The following CSMD2 variants were observed in gnomAD, a reference collection of about 807,000 sequenced individuals.
The protein encoded by CSMD2 is CUB and Sushi multiple domains 2, also known as CUB and sushi domain-containing protein 2.
A neutral mutation model predicts 398.5 loss-of-function variants in CSMD2; 130 were observed. That is an observed-to-expected ratio of 0.33 (90% CI 0.28 to 0.38). The LOEUF (loss-of-function observed/expected upper bound fraction) is 0.38, where lower values mean the gene tolerates loss of function less well. CSMD2 is among the 10% of genes least tolerant of loss of function. CSMD2 has a pLI of 1.00. For synonymous variants in CSMD2, 1,828 were observed against 1,908.5 expected, an observed-to-expected ratio of 0.96 and a Z score of 1.10; for missense variants, 3,829 against 4,764.9, an observed-to-expected ratio of 0.80 and a Z score of 5.78.
rs1641950444 is a variant in CSMD2 at position 33,624,229 on chromosome 1, C to T, written c.5625+290G>A. On this transcript the variant is annotated intron_variant, in intron 35 of 70. Transcript: ENST00000373381. The surrounding 1 kb of genome is among the most constrained non-coding windows in gnomAD (Gnocchi z 4.7). ...TCTTCTTTTAGCCTCCCCTCCTGGCCATGGCCAATCAATGCCCACCTCTCC... is the reference window on the plus strand; with the variant it reads ...TCTTCTTTTAGCCTCCCCTCCTGGCTATGGCCAATCAATGCCCACCTCTCC... Among the ~76,000 whole-genome samples, 1 of 152,180 alleles carries T rather than the reference C, an allele frequency of 6.6e-6. No homozygotes were observed. Among genetic ancestry groups the T allele is most frequent in the Non-Finnish European group, 1.5e-5 (1 of 68,026 alleles).
At chr1:33,724,459 G>T (rs1376192542) in intron 18 of CSMD2, 57 bp downstream of exon 18, 1 of 1,583,868 alleles carries the variant, frequency 6.3e-7, no homozygotes, top group East Asian at 2.2e-5. Flanking sequence ...GAGCACCTGT[G>T]TTTCTGTGGC....
chr1:33,762,447 C>T (rs564608214), intron 13 of CSMD2, among the ~76,000 whole-genome samples: 3 of 152,326 alleles, frequency 2.0e-5, no homozygotes, highest in African/African-American at 7.2e-5. Flanking sequence ...GAGGTCACAG[C>T]CCAGGATTAG....
intron 13 of CSMD2, 192 bp downstream of exon 13, chr1:33,772,377 T>C (rs1179386504): frequency 1.9e-5 from 11 of 568,344 alleles, no homozygotes; most frequent in Non-Finnish European, 3.5e-5. Flanking sequence ...TTGTTCTCAG[T>C]GCTACAGTCG....
chr1:33,914,218 C>A (rs1388975436), intron 5 of CSMD2, among the ~76,000 whole-genome samples: 1 of 152,118 alleles, frequency 6.6e-6, no homozygotes, highest in Non-Finnish European at 1.5e-5. Flanking sequence ...CACACTCCAG[C>A]AGGGTCAGTG....
At chr1:33,580,676 C>T in intron 48 of CSMD2, 77 bp downstream of exon 48, 1 of 1,530,174 alleles carries the variant, frequency 6.5e-7, no homozygotes, top group East Asian at 2.3e-5. Context: ...AGGGGAATGG[C>T]CGCCCGGTCT....
chr1:33,604,839 G>A (rs1007582181), intron 42 of CSMD2, among the ~76,000 whole-genome samples: 1 of 152,132 alleles, frequency 6.6e-6, no homozygotes, highest in Non-Finnish European at 1.5e-5. Context: ...GGAGCAGGGA[G>A]GGGGAAGATG....
chr1:33,782,409 C>T (rs934710509), intron 12 of CSMD2, among the ~76,000 whole-genome samples: 2 of 152,166 alleles, frequency 1.3e-5, no homozygotes, highest in Non-Finnish European at 2.9e-5. Flanking sequence ...CTTGACTATA[C>T]TGAGTCCTCA....
chr1:33,980,143 C>A (rs1646116570), intron 3 of CSMD2, among the ~76,000 whole-genome samples: 1 of 152,128 alleles, frequency 6.6e-6, no homozygotes, highest in Non-Finnish European at 1.5e-5. Context: ...ACTCTGGAAC[C>A]TGGCCAGTTA....
intron 3 of CSMD2, among the ~76,000 whole-genome samples, chr1:33,950,870 C>T (rs988847881): frequency 6.6e-6 from 1 of 152,224 alleles, no homozygotes; most frequent in Non-Finnish European, 1.5e-5. Context: ...GATTGGGATG[C>T]GTCTGTCTTC....
chr1:33,821,423 G>A lies in CSMD2; in HGVS notation c.1112-867C>T, dbSNP rs528295980. Among the ~76,000 whole-genome samples the A allele has an allele frequency of 4.6e-5, 7 of 152,270 alleles. 1 individual carries two copies. Among genetic ancestry groups the A allele is most frequent in the African/African-American group, 1.7e-4 (7 of 41,556 alleles). On this transcript the variant is annotated intron_variant, in intron 7 of 70. Coordinates refer to ENST00000373381, the MANE Select transcript of CSMD2 (RefSeq NM_001281956.2). ...GATTCCTGGCTTTGAGGATGACCAGGAGCTGGAGCCAGGCACACAGCCTGG... is the reference window on the plus strand; with the variant it reads ...GATTCCTGGCTTTGAGGATGACCAGAAGCTGGAGCCAGGCACACAGCCTGG...
chr1:33,717,556 A>C (rs1646214891), intron 19 of CSMD2, among the ~76,000 whole-genome samples: 1 of 151,924 alleles, frequency 6.6e-6, no homozygotes, highest in African/African-American at 2.4e-5. Flanking sequence ...TGGGTTGTAG[A>C]AGAGTAATGG....
intron 13 of CSMD2, among the ~76,000 whole-genome samples, chr1:33,747,719 A>C (rs1052593709): frequency 1.3e-4 from 20 of 152,222 alleles, no homozygotes; most frequent in Non-Finnish European, 2.5e-4. Flanking sequence ...GCTAAGACAA[A>C]GTGACTCTGA....
intron 3 of CSMD2, among the ~76,000 whole-genome samples, chr1:33,995,296 C>T (rs1402388606): frequency 1.3e-5 from 2 of 152,174 alleles, no homozygotes; most frequent in Non-Finnish European, 2.9e-5. Flanking sequence ...TGTATATGCA[C>T]GTGGGGTCTT....
At chr1:33,788,928 A>G (rs41265921) in intron 11 of CSMD2, among the ~76,000 whole-genome samples, 11 of 152,048 alleles carry the variant, frequency 7.2e-5, no homozygotes, top group Non-Finnish European at 5.9e-5. Context: ...GTAGAATCTC[A>G]TGGGTTGAAT....
intron 12 of CSMD2, among the ~76,000 whole-genome samples, chr1:33,783,516 G>A (rs1653099065): frequency 6.6e-6 from 1 of 150,828 alleles, no homozygotes; most frequent in Non-Finnish European, 1.5e-5. Context: ...GCAAGGCCAT[G>A]GTGAGAAGGT....
intron 5 of CSMD2, among the ~76,000 whole-genome samples, chr1:33,865,399 CAAAAA>C (rs56728239): frequency 8.3e-6 from 1 of 120,910 alleles, no homozygotes; most frequent in Non-Finnish European, 1.7e-5. Context: ...CAGATTTTAC[CAAAAA>C]AAAAAAAAAA....
Position 33,600,886 on chromosome 1 carries a change from TC to T in CSMD2, c.6834del (p.Ile2279SerfsTer4). The T allele has an allele frequency of 6.2e-7, 1 of 1,613,644 alleles. No individual in the cohort carries two copies. Among genetic ancestry groups the T allele is most frequent in the South Asian group, 1.1e-5 (1 of 90,998 alleles). On this transcript the variant is annotated frameshift_variant, in exon 44 of 71. Transcript: ENST00000373381. LOFTEE classifies it high-confidence loss of function. The part of the protein sequence containing the change: ...LKFHRDAATG[G>X]IFAIAFSAYP... ...TGACCGGAGAAAGCTATGGCGAAGA[TC>T]CCCCCTGTGGCTGCATCACGGTGGA...
chr1:33,874,675 C>A (rs768369003), intron 5 of CSMD2, among the ~76,000 whole-genome samples: 1 of 152,062 alleles, frequency 6.6e-6, no homozygotes, highest in African/African-American at 2.4e-5. Flanking sequence ...TGGTTAGCAC[C>A]CAGAGAGTTT....
intron 5 of CSMD2, among the ~76,000 whole-genome samples, chr1:33,867,248 A>C (rs1558027708): frequency 6.6e-6 from 1 of 152,228 alleles, no homozygotes; most frequent in African/African-American, 2.4e-5. Flanking sequence ...ACTGTGGGAA[A>C]TGTCTAGAAG....
Sources: gnomAD v4.1 joint callset for allele counts (sites outside exome capture counted in the v4.1 genomes callset) on GRCh38, gnomAD v4.1.1 for gene constraint, Gnocchi (gnomAD v3.1) non-coding constraint, MANE v1.5 for transcripts, NCBI Gene and HGNC (gene_info 2026-07-23, HGNC 2026-07-21) for gene names.